The following SIPA1L3 variants were observed in gnomAD, a reference collection of about 807,000 sequenced individuals.
SIPA1L3 encodes the protein signal-induced proliferation-associated 1-like protein 3.
SIPA1L3 carries 59 observed loss-of-function variants against 150.1 expected under a neutral mutation model. The observed-to-expected ratio is 0.39, with a 90% CI of 0.32 to 0.49. The LOEUF (loss-of-function observed/expected upper bound fraction) is 0.49, where lower values mean the gene tolerates loss of function less well. Among genes scored for constraint, SIPA1L3 ranks in the 20% least tolerant of loss-of-function variants. The pLI is 0.86. For missense variants in SIPA1L3, 2,211 were observed against 2,489.5 expected, an observed-to-expected ratio of 0.89 and a Z score of 2.38; for synonymous variants, 1,070 against 1,077.6, an observed-to-expected ratio of 0.99 and a Z score of 0.14.
intron 12 of SIPA1L3, among the ~76,000 whole-genome samples, chr19:38,148,058 TTAAG>T (rs922737831): frequency 2.9e-5 from 4 of 139,480 alleles, no homozygotes; most frequent in Non-Finnish European, 6.2e-5. Flanking sequence ...AATTAATTAA[TTAAG>T]AGGGAAGGGG....
At chr19:38,206,038 C>CCA in intron 21 of SIPA1L3, 59 bp from the exon 22 acceptor site, 1 of 1,477,598 alleles carries the variant, frequency 6.8e-7, no homozygotes, top group Non-Finnish European at 9.0e-7. Context: ...AGGGAGCCAT[C>CCA]GGCTGTTCCA....
intron 8 of SIPA1L3, among the ~76,000 whole-genome samples, chr19:38,117,362 G>A (rs1323110468): frequency 6.6e-6 from 1 of 152,190 alleles, no homozygotes; most frequent in Non-Finnish European, 1.5e-5. Flanking sequence ...GTTCATGCCT[G>A]TAATCCCAGC....
chr19:38,201,920 G>T lies in SIPA1L3; in HGVS notation c.5043G>T (p.Pro1681=), dbSNP rs199507744. The T allele has an allele frequency of 1.2e-6, 2 of 1,613,886 alleles. No homozygotes were observed. The highest frequency in any genetic ancestry group is 4.5e-5 in the East Asian group (2 of 44,848). The change falls in exon 20 of 22, where the codon CCG becomes CCT. Residue 1681 remains proline (P), a synonymous_variant. Transcript: ENST00000222345. ...ACCCGGCCCTGAGCCCGGACATCCCGCCTGCACACAGTCCTGTCCACAGCC... is the reference window on the plus strand; with the variant it reads ...ACCCGGCCCTGAGCCCGGACATCCCTCCTGCACACAGTCCTGTCCACAGCC... ...LNDPALSPDI[P]PAHSPVHSHL...
At chr19:38,153,185 C>A (rs1317446915) in intron 13 of SIPA1L3, among the ~76,000 whole-genome samples, 1 of 152,202 alleles carries the variant, frequency 6.6e-6, no homozygotes, top group Non-Finnish European at 1.5e-5. Flanking sequence ...CGGCAGGTGG[C>A]GTCTGCTCCC....
At chr19:37,960,754 A>G (rs1298569806) in intron 1 of SIPA1L3, among the ~76,000 whole-genome samples, 1 of 151,336 alleles carries the variant, frequency 6.6e-6, no homozygotes, top group Non-Finnish European at 1.5e-5. Flanking sequence ...AGGTTTTGCC[A>G]TGTTGCTCAG....
chr19:38,177,409 A>T (rs190210763), intron 15 of SIPA1L3, among the ~76,000 whole-genome samples: 14 of 151,964 alleles, frequency 9.2e-5, no homozygotes, highest in African/African-American at 3.4e-4. Flanking sequence ...GCAGTGACTC[A>T]TGCCTGTAAT....
At chr19:38,162,728 G>A (rs886893039) in intron 14 of SIPA1L3, among the ~76,000 whole-genome samples, 8 of 152,186 alleles carry the variant, frequency 5.3e-5, no homozygotes, top group African/African-American at 7.2e-5. Context: ...GCATCTACCC[G>A]CCATTCACGT....
rs369762947 is a variant in SIPA1L3 at position 37,962,146 on chromosome 19, C to CTT, written c.-379+54802_-379+54803dup. Among the ~76,000 whole-genome samples the CTT allele has an allele frequency of 1.4e-3, 202 of 142,238 alleles. 3 individuals are homozygous for CTT. The highest frequency in any genetic ancestry group is 3.5e-3 in the African/African-American group (138 of 39,146). The allele number at this position is 142,238 out of a possible 152,430, so 93.3% of individuals were successfully genotyped here. The stretch of plus-strand genomic sequence containing the variant: ...TGTGTCTCACAATTTTTCTTTCATT[C>CTT]TTTTTTTTTTTTTTTGAGACAGAGT... On this transcript the variant is annotated intron_variant, in intron 1 of 21. Transcript: ENST00000222345.
intron 8 of SIPA1L3, among the ~76,000 whole-genome samples, chr19:38,116,077 A>T (rs1476456392): frequency 6.6e-6 from 1 of 152,092 alleles, no homozygotes; most frequent in Non-Finnish European, 1.5e-5. Flanking sequence ...TATTTTTTTA[A>T]ATTATCCTAC....
At chr19:38,074,810 G>A (rs1969804419) in intron 2 of SIPA1L3, among the ~76,000 whole-genome samples, 1 of 152,182 alleles carries the variant, frequency 6.6e-6, no homozygotes, top group Non-Finnish European at 1.5e-5. Flanking sequence ...TATCACTTGG[G>A]CTGGAGTGCA....
chr19:38,082,322 G>A lies in SIPA1L3; in HGVS notation c.757G>A (p.Gly253Ser). 6.3e-7 allele frequency: 1 copy of A among 1,598,718 alleles called. No homozygotes were observed. The highest frequency in any genetic ancestry group is 8.5e-7 in the Non-Finnish European group (1 of 1,178,936). The change falls in exon 3 of 22, where the codon GGC (glycine) becomes AGC (serine). Residue 253 changes from glycine to serine, a missense_variant. By Grantham distance (56) the Gly-to-Ser change is moderately conservative (BLOSUM62 0). Around this residue, in one of 5 missense-constraint regions of SIPA1L3, gnomAD observed 587 missense variants for 534.5 expected, o/e 1.10. Coordinates refer to ENST00000222345, the MANE Select transcript of SIPA1L3 (RefSeq NM_015073.3). Reference protein sequence around the residue: ...RADPGPHLMGGGGGAKGDSHN... With the variant: ...RADPGPHLMGSGGGAKGDSHN... ...AGATCCTGGCCCACACCTCATGGGG[G>A]GCGGCGGCGGAGCCAAGGGGGACTC...
intron 18 of SIPA1L3, 110 bp downstream of exon 18, chr19:38,193,890 G>C: frequency 8.1e-7 from 1 of 1,236,712 alleles, no homozygotes; most frequent in South Asian, 1.7e-5. Flanking sequence ...CATCAGTGTC[G>C]GGGCCATCTC....
chr19:37,943,976 A>G (rs1229001866), intron 1 of SIPA1L3, among the ~76,000 whole-genome samples: 2 of 152,106 alleles, frequency 1.3e-5, no homozygotes, highest in Non-Finnish European at 2.9e-5. Flanking sequence ...ACCCGTTCCA[A>G]CAGCAGAGCA....
chr19:38,057,914 G>A (rs576458272), intron 2 of SIPA1L3, among the ~76,000 whole-genome samples: 2 of 152,044 alleles, frequency 1.3e-5, no homozygotes, highest in African/African-American at 2.4e-5. Context: ...CACCCACCTC[G>A]GCCTCCCAAA....
intron 8 of SIPA1L3, among the ~76,000 whole-genome samples, chr19:38,115,684 TC>T (rs1970867063): frequency 6.6e-6 from 1 of 152,116 alleles, no homozygotes. Context: ...CCCCAGCTCT[TC>T]CTCTGGTTCC....
At position 38,012,324 on chromosome 19, in the gene SIPA1L3, G is replaced by A. The variant is rs10407370; in HGVS notation, c.-378-16765G>A. Among the ~76,000 whole-genome samples, 1,281 of 152,082 alleles carry A rather than the reference G, an allele frequency of 8.4e-3. 16 individuals are homozygous for A. The highest frequency in any genetic ancestry group is 0.029 in the African/African-American group (1,189 of 41,478). ...TGATTTCGAACTCCTGACCTCAAGC[G>A]TTCCTCCCACCTCAGTGTCCCAAAG... is the stretch of plus-strand genomic sequence containing the variant. On this transcript the variant is annotated intron_variant, in intron 1 of 21. Coordinates refer to ENST00000222345, the MANE Select transcript of SIPA1L3 (RefSeq NM_015073.3).
intron 14 of SIPA1L3, among the ~76,000 whole-genome samples, chr19:38,163,309 G>A (rs1002981824): frequency 1.3e-5 from 2 of 152,062 alleles, no homozygotes; most frequent in African/African-American, 4.8e-5. Context: ...GGGCAACCTA[G>A]TAAAACCCCG....
intron 6 of SIPA1L3, among the ~76,000 whole-genome samples, chr19:38,103,640 A>G (rs1465309921): frequency 4.0e-5 from 6 of 148,860 alleles, no homozygotes; most frequent in Non-Finnish European, 7.5e-5. Flanking sequence ...AAAAAAAAAA[A>G]GGGGCCGGGC....
At position 38,119,612 on chromosome 19, in the gene SIPA1L3, C is replaced by G. The variant is rs751858211; in HGVS notation, c.2598C>G (p.His866Gln). The G allele has an allele frequency of 3.1e-6, 5 of 1,614,240 alleles. No individual in the cohort carries two copies. The highest frequency in any genetic ancestry group is 4.2e-6 in the Non-Finnish European group (5 of 1,180,044). Residue 866 changes from histidine to glutamine, a missense_variant, in exon 9 of 22, where the codon CAC (histidine) becomes CAG (glutamine). By Grantham distance (24) the His-to-Gln change is conservative. Around this residue, in one of 5 missense-constraint regions of SIPA1L3, gnomAD observed 625 missense variants for 804.2 expected, o/e 0.78. Transcript: ENST00000222345. ...KTKARAGAEQ[H>Q]SAGAIAWRVV... ...AAGCACGGGCTGGCGCTGAGCAGCA[C>G]AGTGCAGGGGCCATCGCCTGGAGGG... is the stretch of plus-strand genomic sequence containing the variant.
Sources: allele counts gnomAD v4.1 joint callset (sites outside exome capture counted in the v4.1 genomes callset), GRCh38; gene constraint gnomAD v4.1.1; regional missense constraint gnomAD v4.1.1; transcripts MANE v1.5; gene names NCBI Gene and HGNC (gene_info 2026-07-23, HGNC 2026-07-21).